Variants in ASTN2 observed in about 807,000 individuals in gnomAD.
The protein encoded by ASTN2 is astrotactin-2.
In ASTN2, 54 loss-of-function variants were observed where a neutral mutation model predicts 139.8. The observed-to-expected ratio is 0.39, with a 90% CI of 0.31 to 0.48. ASTN2 has a LOEUF of 0.48. Among genes scored for constraint, ASTN2 ranks in the 20% least tolerant of loss-of-function variants. The pLI is 0.95. For synonymous variants in ASTN2, 756 were observed against 719.5 expected, an observed-to-expected ratio of 1.05 and a Z score of -0.81; for missense variants, 1,565 against 1,725.1, an observed-to-expected ratio of 0.91 and a Z score of 1.64.
At chr9:117,213,326 G>T (rs896982794) in intron 3 of ASTN2, among the ~76,000 whole-genome samples, 1 of 152,098 alleles carries the variant, frequency 6.6e-6, no homozygotes, top group Admixed American at 6.5e-5. Flanking sequence ...CAGGAATAGG[G>T]AGAAATTTAT....
chr9:116,503,733 A>G (rs1387619368), intron 19 of ASTN2, among the ~76,000 whole-genome samples: 4 of 152,190 alleles, frequency 2.6e-5, no homozygotes, highest in African/African-American at 4.8e-5. Context: ...TAATATATAT[A>G]TGAGTGTGTT....
intron 17 of ASTN2, 92 bp downstream of exon 17, chr9:116,651,436 T>C (rs1857907038): frequency 1.2e-5 from 17 of 1,400,510 alleles, no homozygotes; most frequent in Non-Finnish European, 1.6e-5. Context: ...ATGATGATCA[T>C]GATGACAATA....
At chr9:116,735,619 C>T (rs1044815882) in intron 13 of ASTN2, among the ~76,000 whole-genome samples, 3 of 152,132 alleles carry the variant, frequency 2.0e-5, no homozygotes, top group African/African-American at 7.2e-5. Flanking sequence ...GGGGAAAACA[C>T]AAAAAATGGC....
intron 10 of ASTN2, among the ~76,000 whole-genome samples, chr9:116,941,035 G>C (rs951180491): frequency 1.4e-4 from 22 of 152,138 alleles, no homozygotes; most frequent in African/African-American, 5.1e-4. Flanking sequence ...ATGTAGCCTT[G>C]ATGTACAGTA....
chr9:116,963,877 C>T (rs188542938), intron 10 of ASTN2, among the ~76,000 whole-genome samples: 121 of 152,158 alleles, frequency 8.0e-4, no homozygotes, highest in East Asian at 3.7e-3. Flanking sequence ...GGCTCTTTTG[C>T]GGCAGAGTCA....
intron 7 of ASTN2, among the ~76,000 whole-genome samples, chr9:116,980,930 C>G (rs979673867): frequency 1.3e-5 from 2 of 152,124 alleles, no homozygotes; most frequent in African/African-American, 4.8e-5. Flanking sequence ...AATGACAGCT[C>G]TCTAGGGATG....
chr9:116,666,589 TA>T (rs1462501920), intron 16 of ASTN2, among the ~76,000 whole-genome samples: 1 of 152,202 alleles, frequency 6.6e-6, no homozygotes, highest in East Asian at 1.9e-4. Flanking sequence ...ATCATACTTT[TA>T]AAATATTTTG....
intron 19 of ASTN2, among the ~76,000 whole-genome samples, chr9:116,537,465 A>G (rs997452022): frequency 6.6e-6 from 1 of 152,180 alleles, no homozygotes; most frequent in Non-Finnish European, 1.5e-5. Flanking sequence ...GAACCTATGG[A>G]CATTATATGA....
At chr9:116,825,471 C>G (rs896483946) in intron 11 of ASTN2, among the ~76,000 whole-genome samples, 1 of 152,150 alleles carries the variant, frequency 6.6e-6, no homozygotes, top group Admixed American at 6.5e-5. Context: ...CGATGTCTGA[C>G]TAGATGCAGG....
chr9:116,453,346 C>A (rs1848228557), intron 20 of ASTN2, among the ~76,000 whole-genome samples: 1 of 152,084 alleles, frequency 6.6e-6, no homozygotes, highest in Non-Finnish European at 1.5e-5. Flanking sequence ...GTAATCCTAG[C>A]ACTTTGGGAG....
At chr9:117,412,924 G>A (rs544503309) in intron 1 of ASTN2, among the ~76,000 whole-genome samples, 1 of 152,298 alleles carries the variant, frequency 6.6e-6, no homozygotes, top group East Asian at 1.9e-4. Flanking sequence ...CCCCACAGGT[G>A]CACGTGGGAA....
chr9:116,776,772 T>C (rs1000482379), intron 13 of ASTN2, among the ~76,000 whole-genome samples: 62 of 152,280 alleles, frequency 4.1e-4, no homozygotes, highest in Middle Eastern at 3.4e-3. Flanking sequence ...AATGAGTAAG[T>C]AATCCTGAAA....
Position 116,699,163 on chromosome 9 carries a change from G to A in ASTN2, c.2806+26608C>T. Reference sequence around the variant, plus strand: ...AGGAGCCAGCTGAGCAAACCATGGGGTATCACAGCCTTGCCATCTGGCCAG... The same window carrying A: ...AGGAGCCAGCTGAGCAAACCATGGGATATCACAGCCTTGCCATCTGGCCAG... On this transcript the variant is annotated intron_variant, in intron 16 of 22. Transcript: ENST00000313400. This position sits in a 1 kb window ranked among gnomAD's most constrained non-coding sequence, Gnocchi z 4.2. 1 of 1,614,256 alleles carries A rather than the reference G, an allele frequency of 6.2e-7. No individual in the cohort carries two copies. The highest frequency in any genetic ancestry group is 8.5e-7 in the Non-Finnish European group (1 of 1,180,040).
intron 2 of ASTN2, among the ~76,000 whole-genome samples, chr9:117,244,428 C>T (rs778079627): frequency 2.2e-4 from 33 of 152,110 alleles, no homozygotes; most frequent in Non-Finnish European, 3.5e-4. Context: ...CTCTCCCTTC[C>T]TGTTGTTTGA....
chr9:117,373,904 A>C (rs1222911997), intron 1 of ASTN2, among the ~76,000 whole-genome samples: 2 of 152,192 alleles, frequency 1.3e-5, no homozygotes, highest in Non-Finnish European at 2.9e-5. Context: ...GGGAAGAGCT[A>C]ATAGAGTTAC....
At chr9:117,111,222 T>C (rs1314673688) in intron 4 of ASTN2, among the ~76,000 whole-genome samples, 1 of 152,220 alleles carries the variant, frequency 6.6e-6, no homozygotes, top group East Asian at 1.9e-4. Context: ...TTTCATTCAT[T>C]CCCAAGGGAA....
chr9:116,845,592 A>C (rs962209691), intron 11 of ASTN2, among the ~76,000 whole-genome samples: 6 of 152,196 alleles, frequency 3.9e-5, no homozygotes, highest in Non-Finnish European at 8.8e-5. Flanking sequence ...CATTTCTCTA[A>C]AAATGATATA....
chr9:116,581,771 T>C (rs1853963477), intron 19 of ASTN2, among the ~76,000 whole-genome samples: 1 of 152,212 alleles, frequency 6.6e-6, no homozygotes, highest in South Asian at 2.1e-4. Flanking sequence ...TTAGTTCACT[T>C]ATAGTCTACC....
rs566926899 is a variant in ASTN2 at position 117,229,285 on chromosome 9, C to T, written c.631-14543G>A. Among the ~76,000 whole-genome samples, 8 of 152,292 alleles carry T rather than the reference C, an allele frequency of 5.3e-5. No individual in the cohort carries two copies. The South Asian group carries it at 1.7e-3, about 32-fold the overall frequency. ...CCAAGCCCTACCATGAGTGCTGAAC[C>T]TCGATCTGTTCCCTGAGATCTTGCT... On this transcript the variant is annotated intron_variant, in intron 2 of 22. Coordinates refer to ENST00000313400, the MANE Select transcript of ASTN2 (RefSeq NM_001365068.1).
Sources: gnomAD v4.1 joint callset for allele counts (sites outside exome capture counted in the v4.1 genomes callset) on GRCh38, gnomAD v4.1.1 for gene constraint, Gnocchi (gnomAD v3.1) non-coding constraint, MANE v1.5 for transcripts, NCBI Gene and HGNC (gene_info 2026-07-23, HGNC 2026-07-21) for gene names.